NPTN: variants seen among roughly 807,000 people sequenced by gnomAD.
NPTN encodes the protein SDR-1.
In NPTN, 5 loss-of-function variants were observed where a neutral mutation model predicts 42.7. That is an observed-to-expected ratio of 0.12 (90% confidence interval 0.06 to 0.25). The LOEUF is 0.25. Among genes scored for constraint, NPTN ranks in the 10% least tolerant of loss-of-function variants. The probability of loss-of-function intolerance (pLI) is 1.00; values close to 1 mark genes in which losing one functional copy is unlikely to be tolerated. For synonymous variants in NPTN, 180 were observed against 201.9 expected (o/e 0.89, Z 0.92); for missense variants, 307 against 525.4 (o/e 0.58, Z 4.06).
chr15:73,607,147 C>G (rs1897329194), intron 1 of NPTN, among the ~76,000 whole-genome samples: 1 of 152,228 alleles, frequency 6.6e-6, no homozygotes, highest in Non-Finnish European at 1.5e-5. Context: ...CAGAATCTCA[C>G]TGCAGTGGTC....
chr15:73,572,546 C>T (rs568668706), intron 5 of NPTN, among the ~76,000 whole-genome samples: 3 of 152,098 alleles, frequency 2.0e-5, no homozygotes, highest in Admixed American at 6.5e-5. Context: ...CAGGTTGCCC[C>T]GATTCCTTAT....
At chr15:73,582,138 C>T (rs1215257048) in intron 4 of NPTN, among the ~76,000 whole-genome samples, 1 of 152,200 alleles carries the variant, frequency 6.6e-6, no homozygotes, top group South Asian at 2.1e-4. Flanking sequence ...TGCGCCTGGC[C>T]TTGGTGCTCA....
chr15:73,619,023 C>T (rs1317426117), intron 1 of NPTN, among the ~76,000 whole-genome samples: 2 of 145,992 alleles, frequency 1.4e-5, no homozygotes, highest in Non-Finnish European at 3.0e-5. Flanking sequence ...CATACCACTG[C>T]ACTCCAGCCT....
At chr15:73,619,097 A>C (rs1236292918) in intron 1 of NPTN, among the ~76,000 whole-genome samples, 2 of 151,956 alleles carry the variant, frequency 1.3e-5, no homozygotes, top group African/African-American at 4.8e-5. Flanking sequence ...ACAATAAATT[A>C]ACTTAAATTA....
At chr15:73,579,549 T>C (rs898282410) in intron 4 of NPTN, among the ~76,000 whole-genome samples, 1 of 151,868 alleles carries the variant, frequency 6.6e-6, no homozygotes, top group South Asian at 2.1e-4. Context: ...ATGCTAAAAG[T>C]TGAGTCGGCA....
intron 4 of NPTN, among the ~76,000 whole-genome samples, chr15:73,578,668 T>G (rs1347874546): frequency 3.9e-5 from 6 of 152,274 alleles, no homozygotes; most frequent in Admixed American, 3.3e-4. Flanking sequence ...TAGAACATGG[T>G]AAGTTTAAGA....
chr15:73,627,656 T>C (rs1898490008), intron 1 of NPTN, among the ~76,000 whole-genome samples: 2 of 152,188 alleles, frequency 1.3e-5, no homozygotes, highest in Non-Finnish European at 2.9e-5. Context: ...TAAGAGTTGA[T>C]TGATAAATGT....
chr15:73,568,978 G>A, intron 6 of NPTN: 1 of 985,542 alleles, frequency 1.0e-6, no homozygotes, highest in Non-Finnish European at 1.2e-6. Context: ...TTCTGAGGGA[G>A]CACCAGATGT....
Position 73,563,225 on chromosome 15 carries a change from A to G in NPTN, c.1136+11T>C, listed in dbSNP as rs762187397. On this transcript the variant is annotated intron_variant, in intron 7 of 8. Transcript: ENST00000345330. Reference sequence around the variant, plus strand: ...AGATACTGTTGAATCAATGTCCAATAAAGTACTTACATTGGTCCAGCTGGT... The same window carrying G: ...AGATACTGTTGAATCAATGTCCAATGAAGTACTTACATTGGTCCAGCTGGT... The G allele has an allele frequency of 2.5e-5, 38 of 1,510,932 alleles. No individual in the cohort carries two copies. Among genetic ancestry groups the G allele is most frequent in the Admixed American group, 5.0e-5 (3 of 59,868 alleles). The allele number at this position is 1,510,932 out of a possible 1,614,324, so 93.6% of individuals were successfully genotyped here.
At chr15:73,571,565 G>A (rs1292996117) in intron 5 of NPTN, among the ~76,000 whole-genome samples, 1 of 152,182 alleles carries the variant, frequency 6.6e-6, no homozygotes, top group Non-Finnish European at 1.5e-5. Flanking sequence ...CTAGACTGTG[G>A]AGGAGGACAG....
At chr15:73,619,537 C>T (rs1356234800) in intron 1 of NPTN, among the ~76,000 whole-genome samples, 1 of 152,192 alleles carries the variant, frequency 6.6e-6, no homozygotes, top group Non-Finnish European at 1.5e-5. Context: ...TGCAAGACGG[C>T]TTCAAAAATA....
chr15:73,617,584 G>A (rs1050791253), intron 1 of NPTN, among the ~76,000 whole-genome samples: 2 of 152,100 alleles, frequency 1.3e-5, no homozygotes, highest in Non-Finnish European at 2.9e-5. Flanking sequence ...ACCTACTACT[G>A]GGCCTGTCAA....
At chr15:73,591,909 CA>C (rs1281967941) in intron 3 of NPTN, 56 bp downstream of exon 3, 1 of 1,508,576 alleles carries the variant, frequency 6.6e-7, no homozygotes, top group East Asian at 2.3e-5. Flanking sequence ...TTATGAATGT[CA>C]AGTAAGCTCA....
At chr15:73,580,319 G>T (rs1360698306) in intron 4 of NPTN, among the ~76,000 whole-genome samples, 1 of 148,764 alleles carries the variant, frequency 6.7e-6, no homozygotes, top group South Asian at 2.1e-4. Context: ...AATCACCATG[G>T]CACAAGTATA....
chr15:73,572,397 G>A (rs552515981), intron 5 of NPTN, among the ~76,000 whole-genome samples: 5 of 152,282 alleles, frequency 3.3e-5, no homozygotes, highest in Admixed American at 6.5e-5. Flanking sequence ...GAGAAAGTGA[G>A]GTTCTAAAGC....
intron 4 of NPTN, among the ~76,000 whole-genome samples, chr15:73,575,484 G>A (rs1895642526): frequency 6.6e-6 from 1 of 152,260 alleles, no homozygotes; most frequent in Non-Finnish European, 1.5e-5. Context: ...TCCAAGATAG[G>A]AAAGAGAATC....
intron 1 of NPTN, among the ~76,000 whole-genome samples, chr15:73,608,093 T>C (rs551346533): frequency 5.9e-5 from 9 of 152,334 alleles, no homozygotes; most frequent in Admixed American, 1.3e-4. Context: ...CTAAAAAAAC[T>C]GTGTCACTAT....
intron 4 of NPTN, among the ~76,000 whole-genome samples, chr15:73,584,028 AGCTAAGGAGT>A (rs1208577385): frequency 6.6e-6 from 1 of 152,252 alleles, no homozygotes. Context: ...ATATAGAGAA[AGCTAAGGAGT>A]AGGGAGGAGA....
At chr15:73,580,582 TAC>T (rs1275258514) in intron 4 of NPTN, among the ~76,000 whole-genome samples, 1 of 121,482 alleles carries the variant, frequency 8.2e-6, no homozygotes, top group Non-Finnish European at 1.8e-5. Context: ...TATATGTATA[TAC>T]ATGTTATATA....
Sources: allele counts gnomAD v4.1 joint callset (sites outside exome capture counted in the v4.1 genomes callset), GRCh38; gene constraint gnomAD v4.1.1; transcripts MANE v1.5; gene names NCBI Gene and HGNC (gene_info 2026-07-23, HGNC 2026-07-21).